The following SLC35F4 variants were observed in gnomAD, a reference collection of about 807,000 sequenced individuals.
The protein encoded by SLC35F4 is solute carrier family 35 member F4, also known as chromosome 14 open reading frame 36.
Under a neutral mutation model 44.2 loss-of-function variants are expected in SLC35F4, and 24 were observed. The ratio of observed to expected loss-of-function variants is 0.54; its 90% CI spans 0.39 to 0.76. The LOEUF (loss-of-function observed/expected upper bound fraction) is 0.76. SLC35F4 is among the 30% of genes least tolerant of loss of function. The probability of loss-of-function intolerance (pLI) is 0.00; values close to 1 mark genes in which losing one functional copy is unlikely to be tolerated. For missense variants in SLC35F4, 562 were observed against 586.1 expected, an observed-to-expected ratio of 0.96 and a Z score of 0.42; for synonymous variants, 238 against 223.6, an observed-to-expected ratio of 1.06 and a Z score of -0.57.
chr14:57,701,777 G>A (rs539363727), intron 1 of SLC35F4, among the ~76,000 whole-genome samples: 6 of 152,150 alleles, frequency 3.9e-5, no homozygotes, highest in East Asian at 1.9e-4. Context: ...TATGGAAGTC[G>A]AACAATTATA....
chr14:57,710,780 A>T (rs979449184), intron 1 of SLC35F4, among the ~76,000 whole-genome samples: 3 of 152,008 alleles, frequency 2.0e-5, no homozygotes, highest in Non-Finnish European at 2.9e-5. Context: ...GTTTTGGCCA[A>T]CTTCTCCTGC....
intron 1 of SLC35F4, among the ~76,000 whole-genome samples, chr14:57,977,149 T>C (rs1881242770): frequency 1.3e-5 from 2 of 152,218 alleles, no homozygotes; most frequent in South Asian, 2.1e-4. Context: ...TTTGTAATCC[T>C]GACCACCATG....
chr14:57,627,126 G>C (rs1334657654), intron 1 of SLC35F4, among the ~76,000 whole-genome samples: 1 of 152,088 alleles, frequency 6.6e-6, no homozygotes, highest in African/African-American at 2.4e-5. Flanking sequence ...CATTTAAATG[G>C]TGTGTTTACT....
At chr14:57,888,892 C>A (rs577386049) in intron 1 of SLC35F4, among the ~76,000 whole-genome samples, 9 of 151,956 alleles carry the variant, frequency 5.9e-5, no homozygotes, top group Admixed American at 4.6e-4. Flanking sequence ...GAAAATATAC[C>A]AAATATAAAT....
chr14:57,593,953 C>T lies in SLC35F4; in HGVS notation c.275G>A (p.Arg92Lys). 6.2e-7 allele frequency: 1 copy of T among 1,613,846 alleles called. No homozygotes were observed. Among genetic ancestry groups the T allele is most frequent in the Non-Finnish European group, 8.5e-7 (1 of 1,179,838 alleles). Residue 92 changes from arginine to lysine, a missense_variant, in exon 2 of 8, where the codon AGA becomes AAA. By Grantham distance (26) the Arg-to-Lys change is conservative. Coordinates refer to ENST00000556826, the MANE Select transcript of SLC35F4 (RefSeq NM_001306087.2). Reference protein sequence around the residue: ...SSGVCGHRVERQNRSADDGTQ... With the variant: ...SSGVCGHRVEKQNRSADDGTQ... The stretch of plus-strand genomic sequence containing the variant: ...CACCCACATACCTGATCTGTTCTGT[C>T]TCTCAACTCTGTGTCCACAAACTCC...
intron 1 of SLC35F4, among the ~76,000 whole-genome samples, chr14:57,756,757 C>A (rs1759215053): frequency 6.6e-6 from 1 of 152,026 alleles, no homozygotes; most frequent in Non-Finnish European, 1.5e-5. Flanking sequence ...CAGGCTCAAG[C>A]AACCCTCCCA....
At chr14:57,845,433 G>A (rs7147681) in intron 1 of SLC35F4, among the ~76,000 whole-genome samples, 12,616 of 152,214 alleles carry the variant, frequency 0.083, 576 homozygotes, top group Middle Eastern at 0.15. Flanking sequence ...TACAACTGTC[G>A]GAGAGAGGTT....
At chr14:57,830,508 TAA>T (rs1884256594) in intron 1 of SLC35F4, among the ~76,000 whole-genome samples, 1 of 152,182 alleles carries the variant, frequency 6.6e-6, no homozygotes, top group Non-Finnish European at 1.5e-5. Flanking sequence ...ATGGAAATCC[TAA>T]AAGATATTTC....
intron 1 of SLC35F4, among the ~76,000 whole-genome samples, chr14:57,608,801 G>A (rs1376838496): frequency 2.4e-5 from 2 of 83,044 alleles, no homozygotes; most frequent in African/African-American, 1.0e-4. Flanking sequence ...GGGGGGCGGC[G>A]GGGGGAGAGA....
At chr14:57,663,267 A>C (rs2140242628) in intron 1 of SLC35F4, among the ~76,000 whole-genome samples, 1 of 152,332 alleles carries the variant, frequency 6.6e-6, no homozygotes, top group South Asian at 2.1e-4. Context: ...TGCATCAAAA[A>C]CATATAGTAG....
chr14:57,800,902 C>T (rs2078176736), intron 1 of SLC35F4, among the ~76,000 whole-genome samples: 1 of 152,178 alleles, frequency 6.6e-6, no homozygotes, highest in Non-Finnish European at 1.5e-5. Flanking sequence ...ATTGGGGTAC[C>T]TGAAAGAGAC....
At position 57,874,970 on chromosome 14, in the gene SLC35F4, G is replaced by GAATAAATAAATAAATA. The variant is rs148708016; in HGVS notation, n.282+106927_282+106942dup. On this transcript the variant is annotated intron_variant and non_coding_transcript_variant, in intron 1 of 1. Transcript: ENST00000556568. ...TCCTAATCTTTTGGAAGAGGCAGTG[G>GAATAAATAAATAAATA]AATAAATAAATAAATAAATAAATAA... is the stretch of plus-strand genomic sequence containing the variant. Among the ~76,000 whole-genome samples the GAATAAATAAATAAATA allele has an allele frequency of 9.6e-3, 1,442 of 149,800 alleles. 19 individuals carry two copies. Among genetic ancestry groups the GAATAAATAAATAAATA allele is most frequent in the African/African-American group, 0.03 (1,197 of 40,106 alleles).
chr14:57,809,755 G>A lies in SLC35F4; in HGVS notation c.103+55968C>T, dbSNP rs557965874. On this transcript the variant is annotated intron_variant, in intron 1 of 7. Coordinates refer to ENST00000556826, the MANE Select transcript of SLC35F4 (RefSeq NM_001306087.2). ...TGTTATCGGAGACACTGCCCCACAC[G>A]GCTTGATTATTCTTTCCTTAAAATG... 1.3e-4 allele frequency among the ~76,000 whole-genome samples: 20 copies of A among 152,230 alleles called. No homozygotes were observed. In the South Asian group the frequency reaches 2.7e-3, roughly 21 times the overall value.
chr14:57,626,395 A>G (rs2072476912), intron 1 of SLC35F4, among the ~76,000 whole-genome samples: 2 of 151,712 alleles, frequency 1.3e-5, no homozygotes, highest in Non-Finnish European at 1.5e-5. Flanking sequence ...ATTCAGTCAT[A>G]TAGAAAGCAT....
chr14:57,978,283 C>A (rs1357517096), intron 1 of SLC35F4, among the ~76,000 whole-genome samples: 1 of 152,198 alleles, frequency 6.6e-6, no homozygotes, highest in Non-Finnish European at 1.5e-5. Context: ...CACCTCATGG[C>A]ATGGGACCAC....
chr14:57,656,613 A>G (rs958800453), intron 1 of SLC35F4, among the ~76,000 whole-genome samples: 8 of 152,210 alleles, frequency 5.3e-5, no homozygotes, highest in African/African-American at 1.9e-4. Context: ...TTCAAATCCC[A>G]GCTCCACCTC....
At chr14:57,927,451 T>G (rs1375244859) in intron 1 of SLC35F4, among the ~76,000 whole-genome samples, 1 of 151,728 alleles carries the variant, frequency 6.6e-6, no homozygotes, top group Non-Finnish European at 1.5e-5. Flanking sequence ...ATTGTCTGAG[T>G]GACTAGGTGG....
chr14:57,928,784 A>G (rs1273991890), intron 1 of SLC35F4, among the ~76,000 whole-genome samples: 1 of 152,248 alleles, frequency 6.6e-6, no homozygotes, highest in African/African-American at 2.4e-5. Flanking sequence ...TGAAGCAGCT[A>G]TGATGATAAT....
At chr14:57,974,141 G>A (rs919540147), downstream of SLC35F4, among the ~76,000 whole-genome samples, 2 of 152,050 alleles carry the variant, frequency 1.3e-5, no homozygotes, top group African/African-American at 4.8e-5. Flanking sequence ...TCTGGCAATG[G>A]GCTCATTTAG....
Sources: allele counts gnomAD v4.1 joint callset (sites outside exome capture counted in the v4.1 genomes callset), GRCh38; gene constraint gnomAD v4.1.1; transcripts MANE v1.5; gene names NCBI Gene and HGNC (gene_info 2026-07-23, HGNC 2026-07-21).